SH3GL2: variants seen among roughly 807,000 people sequenced by gnomAD.
SH3GL2 encodes the protein SH3 domain containing GRB2 like 2, endophilin A1, also known as endophilin-A1.
SH3GL2 carries 24 observed loss-of-function variants against 46.0 expected under a neutral mutation model. The observed-to-expected ratio is 0.52, with a 90% CI of 0.38 to 0.73. The LOEUF (loss-of-function observed/expected upper bound fraction) is 0.73. Ranked by LOEUF, SH3GL2 falls within the 30% of genes least tolerant of loss-of-function variation. The probability of loss-of-function intolerance (pLI) is 0.00; values close to 1 mark genes in which losing one functional copy is unlikely to be tolerated. For synonymous variants in SH3GL2, 196 were observed against 147.1 expected (o/e 1.33, Z -2.40); for missense variants, 413 against 424.2 (o/e 0.97, Z 0.23).
chr9:17,583,975 C>T (rs137993102), intron 1 of SH3GL2, among the ~76,000 whole-genome samples: 1 of 152,188 alleles, frequency 6.6e-6, no homozygotes, highest in Non-Finnish European at 1.5e-5. Context: ...AAGCAGTCAA[C>T]TCTCTGCTGC....
At chr9:17,747,155 A>C in intron 2 of SH3GL2, 21 bp downstream of exon 2, 1 of 1,524,110 alleles carries the variant, frequency 6.6e-7, no homozygotes, top group Non-Finnish European at 9.0e-7. Flanking sequence ...ACTACTGCCT[A>C]GTGTTCCCTT....
At chr9:17,782,031 C>G (rs996459319) in intron 3 of SH3GL2, among the ~76,000 whole-genome samples, 1 of 152,164 alleles carries the variant, frequency 6.6e-6, no homozygotes, top group Non-Finnish European at 1.5e-5. Flanking sequence ...CTAGACATAG[C>G]ACTTGCACAT....
chr9:17,727,899 ATCC>A (rs1383883467), intron 1 of SH3GL2, among the ~76,000 whole-genome samples: 1 of 151,822 alleles, frequency 6.6e-6, no homozygotes, highest in African/African-American at 2.4e-5. Flanking sequence ...CTGTCCCTTC[ATCC>A]TCATTCTAGG....
At chr9:17,666,785 T>C (rs1321796011) in intron 1 of SH3GL2, among the ~76,000 whole-genome samples, 1 of 152,088 alleles carries the variant, frequency 6.6e-6, no homozygotes, top group Non-Finnish European at 1.5e-5. Flanking sequence ...GGAAGTAATA[T>C]TGCTAGATCA....
At chr9:17,761,926 T>TG (rs1220981001) in intron 3 of SH3GL2, among the ~76,000 whole-genome samples, 1 of 151,960 alleles carries the variant, frequency 6.6e-6, no homozygotes, top group African/African-American at 2.4e-5. Flanking sequence ...ACACAGAGGG[T>TG]TTCTTCATAG....
chr9:17,750,153 A>G (rs574519223), intron 2 of SH3GL2, among the ~76,000 whole-genome samples: 31 of 152,206 alleles, frequency 2.0e-4, no homozygotes, highest in African/African-American at 7.5e-4. Flanking sequence ...CTTGCTTTGG[A>G]TTTAGACTCT....
intron 1 of SH3GL2, among the ~76,000 whole-genome samples, chr9:17,623,571 C>T (rs1819208118): frequency 6.6e-6 from 1 of 152,018 alleles, no homozygotes; most frequent in Non-Finnish European, 1.5e-5. Context: ...AATGAAGGTT[C>T]AATATGTTTT....
At chr9:17,793,908 G>T (rs1383816195) in intron 8 of SH3GL2, among the ~76,000 whole-genome samples, 1 of 152,224 alleles carries the variant, frequency 6.6e-6, no homozygotes, top group Non-Finnish European at 1.5e-5. Flanking sequence ...GTCCCCACAT[G>T]CATTCGCATA....
chr9:17,773,293 G>A (rs1484390357), intron 3 of SH3GL2, among the ~76,000 whole-genome samples: 4 of 152,022 alleles, frequency 2.6e-5, no homozygotes, highest in African/African-American at 9.7e-5. Context: ...GTCTTTTGAT[G>A]CACACAATTT....
At chr9:17,675,267 A>G (rs533032955) in intron 1 of SH3GL2, among the ~76,000 whole-genome samples, 1 of 152,252 alleles carries the variant, frequency 6.6e-6, no homozygotes, top group Admixed American at 6.5e-5. Flanking sequence ...GATTTTTAAA[A>G]TTTGGCGGGT....
chr9:17,620,976 A>G (rs1357741570), intron 1 of SH3GL2, among the ~76,000 whole-genome samples: 3 of 152,318 alleles, frequency 2.0e-5, no homozygotes, highest in Admixed American at 1.3e-4. Flanking sequence ...TGAGTTTTTA[A>G]AAAATACTTA....
At chr9:17,666,230 G>A (rs1820337946) in intron 1 of SH3GL2, among the ~76,000 whole-genome samples, 1 of 151,676 alleles carries the variant, frequency 6.6e-6, no homozygotes, top group Non-Finnish European at 1.5e-5. Flanking sequence ...ATGTTACTGT[G>A]TTCTTTATTT....
intron 3 of SH3GL2, among the ~76,000 whole-genome samples, chr9:17,781,883 C>T (rs1367920790): frequency 2.0e-5 from 3 of 152,004 alleles, no homozygotes; most frequent in South Asian, 2.2e-4. Context: ...GTTACTGTGT[C>T]TTCTGCAGTG....
At chr9:17,715,106 TATA>T (rs1821717380) in intron 1 of SH3GL2, among the ~76,000 whole-genome samples, 1 of 151,776 alleles carries the variant, frequency 6.6e-6, no homozygotes, top group Admixed American at 6.6e-5. Context: ...ATCCTTTGTA[TATA>T]ATATGTCTTT....
At chr9:17,781,320 A>T (rs1174954331) in intron 3 of SH3GL2, among the ~76,000 whole-genome samples, 6 of 114,798 alleles carry the variant, frequency 5.2e-5, no homozygotes, top group Admixed American at 1.9e-4. Flanking sequence ...CCACTTTTTG[A>T]TGGGGTTGTT....
intron 1 of SH3GL2, among the ~76,000 whole-genome samples, chr9:17,701,542 A>G (rs4961585): frequency 2.0e-5 from 3 of 152,068 alleles, no homozygotes; most frequent in Non-Finnish European, 4.4e-5. Context: ...TCATTCGATG[A>G]TATGATTGTA....
In SH3GL2 at chr9:17,747,062, A is replaced by C. The variant is rs1463217566; in HGVS notation, c.46-4A>C. The C allele has an allele frequency of 6.3e-7, 1 of 1,588,366 alleles. No individual in the cohort carries two copies. Among genetic ancestry groups the C allele is most frequent in the South Asian group, 1.1e-5 (1 of 89,938 alleles). ...TAATTCTCCTTTGTGGTTATTTTCT[A>C]CAGAAAGTGAGTGAGAAGGTTGGAG... is the stretch of plus-strand genomic sequence containing the variant. On this transcript the variant is annotated splice_region_variant and splice_polypyrimidine_tract_variant and intron_variant, in intron 1 of 8. Transcript: ENST00000380607.
intron 1 of SH3GL2, among the ~76,000 whole-genome samples, chr9:17,698,893 A>G (rs1821274501): frequency 1.3e-5 from 2 of 152,290 alleles, no homozygotes; most frequent in South Asian, 4.1e-4. Flanking sequence ...GCGATGGCTC[A>G]TGCCTGTAAT....
chr9:17,628,471 TC>T (rs1174309126), intron 1 of SH3GL2, among the ~76,000 whole-genome samples: 1 of 151,940 alleles, frequency 6.6e-6, no homozygotes, highest in Non-Finnish European at 1.5e-5. Flanking sequence ...TGCACATTTA[TC>T]TATTTGTGTA....
Sources: gnomAD v4.1 joint callset for allele counts (sites outside exome capture counted in the v4.1 genomes callset) on GRCh38, gnomAD v4.1.1 for gene constraint, MANE v1.5 for transcripts, NCBI Gene and HGNC (gene_info 2026-07-23, HGNC 2026-07-21) for gene names.